The following CMKLR2 variants were observed in gnomAD, a reference collection of about 807,000 sequenced individuals.
CMKLR2 encodes chemerin-like receptor 2.
A neutral mutation model predicts 23.0 loss-of-function variants in CMKLR2; 18 were observed. The observed-to-expected ratio is 0.78, with a 90% confidence interval of 0.54 to 1.16. The LOEUF is 1.16. Ranked by LOEUF, CMKLR2 falls within the 50% of genes most tolerant of loss-of-function variation. The pLI, the probability that CMKLR2 is intolerant of heterozygous loss-of-function variation, is 0.00. For missense variants in CMKLR2, 401 were observed against 412.7 expected (o/e 0.97, Z 0.25); for synonymous variants, 158 against 158.9 (o/e 0.99, Z 0.05).
In CMKLR2 at chr2:206,179,619, G is replaced by A. The variant is rs528114862; in HGVS notation, c.-28-2344C>T. Among the ~76,000 whole-genome samples the A allele has an allele frequency of 3.4e-4, 51 of 152,132 alleles. No homozygotes were observed. In the South Asian group the frequency reaches 7.0e-3, roughly 21 times the overall value. On this transcript the variant is annotated intron_variant, in intron 1 of 1. Transcript: ENST00000621141. ...GCTGGGATTACAGGAATAAGCCACC[G>A]CGCCCTGCCCCTCTGCCTTTTTTCT...
At chr2:206,198,756 A>G (rs959556323) in intron 1 of CMKLR2, among the ~76,000 whole-genome samples, 1 of 152,220 alleles carries the variant, frequency 6.6e-6, no homozygotes, top group African/African-American at 2.4e-5. Flanking sequence ...TCGTGAAAGT[A>G]TGGCAAAGTC....
At chr2:206,189,414 C>A (rs771045387) in intron 1 of CMKLR2, among the ~76,000 whole-genome samples, 2 of 152,126 alleles carry the variant, frequency 1.3e-5, no homozygotes, top group Non-Finnish European at 2.9e-5. Context: ...GCAGGCAGAT[C>A]ACTTGAGGTC....
chr2:206,206,164 A>G (rs1258549353), intron 1 of CMKLR2, among the ~76,000 whole-genome samples: 1 of 152,220 alleles, frequency 6.6e-6, no homozygotes, highest in East Asian at 1.9e-4. Flanking sequence ...CCCAGACAAG[A>G]AAGAAACCAT....
At chr2:206,202,774 G>A (rs1222993049) in intron 1 of CMKLR2, among the ~76,000 whole-genome samples, 1 of 152,112 alleles carries the variant, frequency 6.6e-6, no homozygotes, top group East Asian at 1.9e-4. Context: ...TACTACAAAA[G>A]AGGAGAACTC....
Position 206,175,618 on chromosome 2 carries a change from C to G in CMKLR2, c.*562G>C, listed in dbSNP as rs1379286119. ...GTTCAAGTGATTCTCCTGCTTCAGC[C>G]TCCCGAGTAGCTGGGTTTGCAGACA... On this transcript the variant is annotated 3_prime_UTR_variant, in exon 2 of 2. Transcript: ENST00000621141. 1 of 152,250 alleles carries G rather than the reference C, an allele frequency of 6.6e-6. No individual in the cohort carries two copies. The highest frequency in any genetic ancestry group is 1.5e-5 in the Non-Finnish European group (1 of 68,108). 9.4% of individuals were successfully genotyped at this position (152,250 alleles called of 1,614,324 possible).
At chr2:206,212,535 G>T (rs1161654118) in intron 1 of CMKLR2, among the ~76,000 whole-genome samples, 2 of 152,068 alleles carry the variant, frequency 1.3e-5, no homozygotes, top group Non-Finnish European at 2.9e-5. Context: ...AACTTGATTT[G>T]GTTTTCATCA....
At position 206,210,461 on chromosome 2, in the gene CMKLR2, C is replaced by CT. The variant is rs35951489; in HGVS notation, c.-29+2845dup. Among the ~76,000 whole-genome samples the CT allele has an allele frequency of 2.8e-3, 405 of 144,978 alleles. 1 individual carries two copies. The highest frequency in any genetic ancestry group is 7.0e-3 in the African/African-American group (276 of 39,508). On this transcript the variant is annotated intron_variant, in intron 1 of 1. Transcript: ENST00000621141. Reference sequence around the variant, plus strand: ...GTGAATAGCAAATAGCATTTTTACTCTTTTTTTTTTTTTTGAGACAGAGTT... The same window carrying CT: ...GTGAATAGCAAATAGCATTTTTACTCTTTTTTTTTTTTTTTGAGACAGAGTT...
rs200278575 is a variant in CMKLR2, at chr2:206,177,002, C to T, written c.246G>A (p.Ala82=). 56 of 1,614,044 alleles carry T rather than the reference C, an allele frequency of 3.5e-5. No individual in the cohort carries two copies. The highest frequency in any genetic ancestry group is 4.5e-5 in the Non-Finnish European group (53 of 1,180,042). ...TTLWFLNLAI[A]DFIFLLFLPL... is the part of the protein sequence containing the mutation. ...GCAGAAAGAGAAGAAAAATGAAATC[C>T]GCAATGGCTAGATTGAGGAACCACA... The change falls in exon 2 of 2, where the codon GCG becomes GCA. Residue 82 remains alanine, a synonymous_variant. Coordinates refer to ENST00000621141, the MANE Select transcript of CMKLR2 (RefSeq NM_001389445.1).
intron 1 of CMKLR2, among the ~76,000 whole-genome samples, chr2:206,205,792 C>T (rs1011596115): frequency 6.6e-6 from 1 of 151,870 alleles, no homozygotes; most frequent in East Asian, 1.9e-4. Flanking sequence ...CTCCACCTCC[C>T]AGGTTCAAGC....
intron 1 of CMKLR2, among the ~76,000 whole-genome samples, chr2:206,209,516 T>C (rs1689459171): frequency 6.6e-6 from 1 of 152,132 alleles, no homozygotes; most frequent in Non-Finnish European, 1.5e-5. Flanking sequence ...TAGCTATTCT[T>C]TCTGATGCTC....
At chr2:206,214,165 ATTTTTTTTTTTTT>A (rs34307347), upstream of CMKLR2, among the ~76,000 whole-genome samples, 4 of 64,928 alleles carry the variant, frequency 6.2e-5, no homozygotes, top group Admixed American at 9.6e-4. Context: ...TAAAGACTTG[ATTTTTTTTTTTTT>A]TTTTTTTTTT....
intron 1 of CMKLR2, chr2:206,203,357 A>C (rs1295414015): frequency 6.9e-6 from 1 of 145,764 alleles, no homozygotes; most frequent in Non-Finnish European, 1.5e-5. Flanking sequence ...AAAAAAAAGC[A>C]GCCCAACACC....
In CMKLR2 at chr2:206,179,294, C is replaced by T. The variant is rs181700818; in HGVS notation, c.-28-2019G>A. ...TTCTCCATGTTGGTCAGGGTGGTCT[C>T]GAACTCCCGACTTCCGGTGATTCGC... On this transcript the variant is annotated intron_variant, in intron 1 of 1. Coordinates refer to ENST00000621141, the MANE Select transcript of CMKLR2 (RefSeq NM_001389445.1). Among the ~76,000 whole-genome samples the T allele has an allele frequency of 1.9e-3, 286 of 150,026 alleles. 1 individual carries two copies. The highest frequency in any genetic ancestry group is 6.6e-3 in the African/African-American group (268 of 40,900).
intron 1 of CMKLR2, among the ~76,000 whole-genome samples, chr2:206,190,213 G>A (rs1189241274): frequency 6.6e-6 from 1 of 152,136 alleles, no homozygotes; most frequent in Non-Finnish European, 1.5e-5. Flanking sequence ...ATTCTTTGGT[G>A]TATTAGGAAG....
At chr2:206,177,762 T>C (rs1688280185) in intron 1 of CMKLR2, among the ~76,000 whole-genome samples, 1 of 152,202 alleles carries the variant, frequency 6.6e-6, no homozygotes, top group Admixed American at 6.5e-5. Context: ...AGTTTCACTC[T>C]GATTATCATT....
Position 206,176,896 on chromosome 2 carries a change from G to T in CMKLR2, c.352C>A (p.Gln118Lys). 1.2e-6 allele frequency: 2 copies of T among 1,614,168 alleles called. No individual in the cohort carries two copies. The highest frequency in any genetic ancestry group is 1.7e-6 in the Non-Finnish European group (2 of 1,180,020). The change falls in exon 2 of 2, where the codon CAG (glutamine) becomes AAG (lysine). Residue 118 changes from glutamine (Q) to lysine (K), a missense_variant. Physicochemically the swap from Gln to Lys is moderately conservative, Grantham distance 53. Transcript: ENST00000621141. The stretch of plus-strand genomic sequence containing the variant: ...AAAACACTGGCAAACATGTTCAACT[G>T]GGCAGTGAAGGAATTGGCTTTGCAC... ...WLCKANSFTAQLNMFASVFFL... is the reference protein window; with the variant it reads ...WLCKANSFTAKLNMFASVFFL...
At position 206,176,117 on chromosome 2, in the gene CMKLR2, T is replaced by G. The variant is rs1576027870; in HGVS notation, c.*63A>C. 5.0e-6 allele frequency: 6 copies of G among 1,198,432 alleles called. No homozygotes were observed. Among genetic ancestry groups the G allele is most frequent in the African/African-American group, 1.5e-5 (1 of 65,696 alleles). The allele number at this position is 1,198,432 out of a possible 1,614,324, so 74.2% of individuals were successfully genotyped here. A position where few individuals can be genotyped will look rare whatever the true frequency, so the allele number is the denominator to read the frequency against. ...CTCTATCTTGGAAACAATTTTAATC[T>G]GAAAGCATCAGTCAGAGGACCCACA... is the stretch of plus-strand genomic sequence containing the variant. On this transcript the variant is annotated 3_prime_UTR_variant, in exon 2 of 2. Coordinates refer to ENST00000621141, the MANE Select transcript of CMKLR2 (RefSeq NM_001389445.1).
At chr2:206,211,231 C>T (rs991230320) in intron 1 of CMKLR2, among the ~76,000 whole-genome samples, 9 of 152,132 alleles carry the variant, frequency 5.9e-5, no homozygotes, top group Non-Finnish European at 1.0e-4. Flanking sequence ...GTGTTTATAG[C>T]GATCACTTTT....
chr2:206,192,624 CT>C (rs770431915), intron 1 of CMKLR2, among the ~76,000 whole-genome samples: 106 of 146,284 alleles, frequency 7.2e-4, no homozygotes, highest in Middle Eastern at 7.1e-3. Flanking sequence ...TGCTCTACCA[CT>C]TTTTTTTTTT....
Sources: gnomAD v4.1 joint callset for allele counts (sites outside exome capture counted in the v4.1 genomes callset) on GRCh38, gnomAD v4.1.1 for gene constraint, MANE v1.5 for transcripts, NCBI Gene and HGNC (gene_info 2026-07-23, HGNC 2026-07-21) for gene names.